LUC7L2: variants seen among roughly 807,000 people sequenced by gnomAD.
LUC7L2 encodes the protein LUC7 like 2, pre-mRNA splicing factor, also known as putative RNA-binding protein Luc7-like 2.
LUC7L2 carries 25 observed loss-of-function variants against 52.8 expected under a neutral mutation model. That is an observed-to-expected ratio of 0.47 (90% CI 0.34 to 0.66). LUC7L2 has a LOEUF of 0.66. Ranked by LOEUF, LUC7L2 falls within the 30% of genes least tolerant of loss-of-function variation. The pLI is 0.01. For missense variants in LUC7L2, 328 were observed against 497.8 expected, an observed-to-expected ratio of 0.66 and a Z score of 3.25; for synonymous variants, 144 against 160.9, an observed-to-expected ratio of 0.89 and a Z score of 0.80.
At chr7:139,417,486 G>C in intron 8 of LUC7L2, 52 bp from the exon 9 acceptor site, 1 of 1,560,102 alleles carries the variant, frequency 6.4e-7, no homozygotes, top group Non-Finnish European at 8.7e-7. Flanking sequence ...TTTAATAAAT[G>C]AGAAATATAG....
At chr7:139,394,539 C>G (rs1417988120) in intron 2 of LUC7L2, among the ~76,000 whole-genome samples, 1 of 152,084 alleles carries the variant, frequency 6.6e-6, no homozygotes, top group African/African-American at 2.4e-5. Context: ...AGAATTATTG[C>G]AATAGAGACA....
intron 2 of LUC7L2, among the ~76,000 whole-genome samples, chr7:139,387,794 C>G (rs1022858083): frequency 2.6e-5 from 4 of 151,994 alleles, no homozygotes; most frequent in Non-Finnish European, 5.9e-5. Context: ...CTGTGTCATG[C>G]AGGACTGAAG....
At chr7:139,388,160 G>T (rs1794288870) in intron 2 of LUC7L2, among the ~76,000 whole-genome samples, 1 of 152,028 alleles carries the variant, frequency 6.6e-6, no homozygotes, top group African/African-American at 2.4e-5. Flanking sequence ...TCTCATTTGT[G>T]TATATATTCT....
At chr7:139,419,691 T>C (rs2116346662) in intron 9 of LUC7L2, among the ~76,000 whole-genome samples, 1 of 152,310 alleles carries the variant, frequency 6.6e-6, no homozygotes, top group South Asian at 2.1e-4. Flanking sequence ...TTGTGTTATT[T>C]TAGTCCCTGA....
intron 8 of LUC7L2, among the ~76,000 whole-genome samples, chr7:139,413,242 G>T (rs1404629832): frequency 6.6e-6 from 1 of 152,140 alleles, no homozygotes; most frequent in Non-Finnish European, 1.5e-5. Flanking sequence ...TCTGAGAAAG[G>T]CAGGGAAATG....
rs374475429 is a variant in LUC7L2 at position 139,398,176 on chromosome 7, G to A, written c.157-423G>A. ...GCCTGGCCACCAGTCTGGTTTTTGA[G>A]GACTCCATCTTTATTTGAAAAATAG... On this transcript the variant is annotated intron_variant, in intron 2 of 9. Coordinates refer to ENST00000354926, the MANE Select transcript of LUC7L2 (RefSeq NM_016019.5). Among the ~76,000 whole-genome samples, 247 of 152,226 alleles carry A rather than the reference G, an allele frequency of 1.6e-3. 1 individual carries two copies. The highest frequency in any genetic ancestry group is 2.8e-3 in the Non-Finnish European group (192 of 68,008).
At chr7:139,416,545 C>G (rs1293924742) in intron 8 of LUC7L2, 1 of 152,086 alleles carries the variant, frequency 6.6e-6, no homozygotes, top group Non-Finnish European at 1.5e-5. Context: ...AACTGTCTTA[C>G]TGTGTTTGTT....
chr7:139,388,965 T>C (rs941052853), intron 2 of LUC7L2, among the ~76,000 whole-genome samples: 58 of 152,214 alleles, frequency 3.8e-4, no homozygotes, highest in African/African-American at 1.1e-3. Context: ...TAGGCAAATA[T>C]TGATCTGTCT....
At chr7:139,364,624 C>T (rs1317010280) in intron 1 of LUC7L2, among the ~76,000 whole-genome samples, 1 of 152,174 alleles carries the variant, frequency 6.6e-6, no homozygotes, top group Non-Finnish European at 1.5e-5. Flanking sequence ...GATACTCATC[C>T]TCATACCCAG....
chr7:139,365,082 ATTTAAC>A (rs985028086), intron 1 of LUC7L2, among the ~76,000 whole-genome samples: 3 of 152,248 alleles, frequency 2.0e-5, no homozygotes, highest in Non-Finnish European at 2.9e-5. Flanking sequence ...TCAGTTAACT[ATTTAAC>A]TTTATCAGAG....
chr7:139,346,035 C>T (rs556345049), intron 1 of LUC7L2: 102 of 170,504 alleles, frequency 6.0e-4, no homozygotes, highest in East Asian at 1.8e-3. Context: ...GTTGGGAGTT[C>T]GCGACCAGCC....
chr7:139,380,362 G>A (rs1484959269), intron 2 of LUC7L2, among the ~76,000 whole-genome samples: 1 of 152,000 alleles, frequency 6.6e-6, no homozygotes, highest in African/African-American at 2.4e-5. Context: ...GGGAGGCCGA[G>A]GGGGGATGGG....
chr7:139,344,899 G>T, intron 1 of LUC7L2: 1 of 145,934 alleles, frequency 6.9e-6, no homozygotes, highest in African/African-American at 2.6e-5. Flanking sequence ...ATTTTTAGCA[G>T]AGACAGGGTT....
intron 4 of LUC7L2, among the ~76,000 whole-genome samples, chr7:139,404,405 A>T (rs1204772545): frequency 2.0e-5 from 3 of 152,196 alleles, no homozygotes; most frequent in Non-Finnish European, 4.4e-5. Context: ...GCTACGTGGG[A>T]GGCTGAGACA....
chr7:139,405,826 T>C, intron 5 of LUC7L2, 39 bp downstream of exon 5: 1 of 1,554,642 alleles, frequency 6.4e-7, no homozygotes, highest in South Asian at 1.3e-5. Flanking sequence ...CTGCTTAATT[T>C]GGTAAGACTA....
At chr7:139,384,820 A>G (rs1024692958) in intron 2 of LUC7L2, among the ~76,000 whole-genome samples, 2 of 151,938 alleles carry the variant, frequency 1.3e-5, no homozygotes, top group African/African-American at 4.8e-5. Context: ...TGTAGGAGCA[A>G]TCATGGTGCA....
At chr7:139,372,461 T>C (rs188960523) in intron 1 of LUC7L2, among the ~76,000 whole-genome samples, 243 of 152,290 alleles carry the variant, frequency 1.6e-3, no homozygotes, top group African/African-American at 5.4e-3. Context: ...TGCTTTTTTT[T>C]CTACTTTACT....
intron 5 of LUC7L2, among the ~76,000 whole-genome samples, 166 bp from the exon 6 acceptor site, chr7:139,407,001 GTTTTTTT>G (rs58914782): frequency 2.7e-5 from 3 of 110,456 alleles, no homozygotes; most frequent in Non-Finnish European, 3.8e-5. Context: ...TGCTTTTGTG[GTTTTTTT>G]TTTTTTTTTT....
intron 7 of LUC7L2, among the ~76,000 whole-genome samples, chr7:139,410,205 CAA>C (rs530744677): frequency 5.4e-5 from 7 of 129,450 alleles, no homozygotes; most frequent in African/African-American, 2.8e-5. Flanking sequence ...GACTCTGTCT[CAA>C]AAAAAAAAAA....
Sources: allele counts gnomAD v4.1 joint callset (sites outside exome capture counted in the v4.1 genomes callset), GRCh38; gene constraint gnomAD v4.1.1; transcripts MANE v1.5; gene names NCBI Gene and HGNC (gene_info 2026-07-23, HGNC 2026-07-21).